Variants in CASP10 observed in about 807,000 individuals in gnomAD.
CASP10 encodes caspase 10, also known as caspase-10.
Under a neutral mutation model 48.5 loss-of-function variants are expected in CASP10, and 41 were observed. The ratio of observed to expected loss-of-function variants is 0.85; its 90% CI spans 0.66 to 1.10. The LOEUF (loss-of-function observed/expected upper bound fraction) is 1.10, where lower values mean the gene tolerates loss of function less well. CASP10 is among the 50% of genes least tolerant of loss of function. CASP10 has a pLI of 0.00. For missense variants in CASP10, 614 were observed against 614.5 expected (o/e 1.00, Z 0.01); for synonymous variants, 232 against 238.4 (o/e 0.97, Z 0.25).
intron 5 of CASP10, among the ~76,000 whole-genome samples, chr2:201,198,536 A>ATT (rs1944889413): frequency 3.4e-5 from 2 of 59,562 alleles, no homozygotes; most frequent in Non-Finnish European, 6.9e-5. Flanking sequence ...TTATTTTTTA[A>ATT]TTCTTTTTTT....
intron 4 of CASP10, among the ~76,000 whole-genome samples, chr2:201,195,303 G>T (rs575040894): frequency 7.2e-4 from 109 of 152,010 alleles, no homozygotes; most frequent in Non-Finnish European, 1.2e-3. Flanking sequence ...CTTTGGCCAG[G>T]CTGGTCTCAA....
intron 9 of CASP10, among the ~76,000 whole-genome samples, chr2:201,210,712 C>T (rs906681314): frequency 5.3e-5 from 8 of 152,238 alleles, no homozygotes; most frequent in Non-Finnish European, 7.4e-5. Flanking sequence ...TTATTGAGAG[C>T]GTACTATGTG....
chr2:201,191,743 T>C (rs1262902087), intron 3 of CASP10, among the ~76,000 whole-genome samples: 2 of 152,210 alleles, frequency 1.3e-5, no homozygotes, highest in Non-Finnish European at 2.9e-5. Flanking sequence ...GCTTTGTCTT[T>C]GATAGCTTTC....
At chr2:201,185,686 T>G (rs992699321) in intron 1 of CASP10, 85 bp from the exon 2 acceptor site, 7 of 849,258 alleles carry the variant, frequency 8.2e-6, no homozygotes, top group Non-Finnish European at 1.0e-5. Context: ...ACGGAGAAGG[T>G]TGTGGTGAGG....
intron 5 of CASP10, among the ~76,000 whole-genome samples, chr2:201,203,141 C>T (rs1461488867): frequency 1.3e-5 from 2 of 152,120 alleles, no homozygotes; most frequent in African/African-American, 2.4e-5. Flanking sequence ...CAATCACTTC[C>T]TATTGGTGGA....
At chr2:201,206,706 C>T (rs530614455) in intron 7 of CASP10, among the ~76,000 whole-genome samples, 3 of 151,384 alleles carry the variant, frequency 2.0e-5, no homozygotes, top group Non-Finnish European at 4.4e-5. Flanking sequence ...AAGGAATTCT[C>T]CTGCCTCAGC....
intron 5 of CASP10, chr2:201,200,463 A>T: frequency 6.3e-7 from 1 of 1,598,304 alleles, no homozygotes. Context: ...TTGTTTTTTT[A>T]AATGAAGGAG....
At position 201,195,927 on chromosome 2, in the gene CASP10, GA is replaced by G; in HGVS notation, c.664del (p.Thr222HisfsTer43). 2 of 1,613,580 alleles carry G rather than the reference GA, an allele frequency of 1.2e-6. No homozygotes were observed. The highest frequency in any genetic ancestry group is 1.7e-6 in the Non-Finnish European group (2 of 1,179,584). Reference protein sequence around the residue: ...EELVSQTDVKTFLEALPQESW... With the variant: ...EELVSQTDVKXFLEALPQESW... The stretch of plus-strand genomic sequence containing the variant: ...AACTAGTTTCCCAAACAGATGTTAA[GA>G]CATTCTTGGAAGCCTTACCGGTAGG... On this transcript the variant is annotated frameshift_variant, in exon 5 of 10. Coordinates refer to ENST00000286186, the MANE Select transcript of CASP10 (RefSeq NM_032977.4). LOFTEE classifies it high-confidence loss of function.
chr2:201,209,513 A>C lies in CASP10; in HGVS notation c.1366A>C (p.Ser456Arg). 6.2e-7 allele frequency: 1 copy of C among 1,613,558 alleles called. No individual in the cohort carries two copies. Among genetic ancestry groups the C allele is most frequent in the Non-Finnish European group, 8.5e-7 (1 of 1,179,820 alleles). ...YVSFRHVEEG[S>R]WYIQSLCNHL... ...ATCCTTTCGGCATGTGGAGGAAGGC[A>C]GCTGGTATATTCAGTCTCTGTGTAA... The change falls in exon 9 of 10, where the codon AGC (serine) becomes CGC (arginine). Residue 456 changes from serine to arginine, a missense_variant. By Grantham distance (110) the Ser-to-Arg change is moderately radical. Transcript: ENST00000286186.
chr2:201,220,328 TG>T lies in CASP10; in HGVS notation c.*2594del, dbSNP rs41351949. On this transcript the variant is annotated 3_prime_UTR_variant, in exon 10 of 10. Coordinates refer to ENST00000286186, the MANE Select transcript of CASP10 (RefSeq NM_032977.4). Reference sequence around the variant, plus strand: ...AAGACAGCTCTGGCATAGAGGGAGGTGGGGGGGTGGGGGAAGTCTCTTGGGT... The same window carrying T: ...AAGACAGCTCTGGCATAGAGGGAGGTGGGGGGTGGGGGAAGTCTCTTGGGT... The T allele has an allele frequency of 0.5, 76,028 of 153,418 alleles. 19,383 individuals carry two copies. The highest frequency in any genetic ancestry group is 0.57 in the Non-Finnish European group (41,801 of 73,630). The allele number at this position is 153,418 out of a possible 1,614,324, so 9.5% of individuals were successfully genotyped here. A position where few individuals can be genotyped will look rare whatever the true frequency, so the allele number is the denominator to read the frequency against.
intron 8 of CASP10, among the ~76,000 whole-genome samples, 183 bp from the exon 9 acceptor site, chr2:201,208,887 A>G (rs1472206310): frequency 6.6e-6 from 1 of 152,092 alleles, no homozygotes; most frequent in Non-Finnish European, 1.5e-5. Flanking sequence ...CCATCTGGCC[A>G]GACTGTTCTC....
chr2:201,220,154 A>C lies in CASP10; in HGVS notation c.*2413A>C, dbSNP rs1471449248. 4.1e-6 allele frequency: 4 copies of C among 985,212 alleles called. No individual in the cohort carries two copies. The highest frequency in any genetic ancestry group is 4.8e-6 in the Non-Finnish European group (4 of 829,812). The allele number at this position is 985,212 out of a possible 1,614,324, so 61.0% of individuals were successfully genotyped here. A position where few individuals can be genotyped will look rare whatever the true frequency, so the allele number is the denominator to read the frequency against. On this transcript the variant is annotated 3_prime_UTR_variant, in exon 10 of 10. Coordinates refer to ENST00000286186, the MANE Select transcript of CASP10 (RefSeq NM_032977.4). ...ATGTAGCTTGACAGAGGGAATGTCT[A>C]ATCTATATTGACAGGGCAGGAACAC...
chr2:201,206,416 A>T (rs916972195), intron 7 of CASP10, among the ~76,000 whole-genome samples: 2 of 151,718 alleles, frequency 1.3e-5, no homozygotes, highest in African/African-American at 4.8e-5. Flanking sequence ...AAATAATTGC[A>T]CATGTTTTTA....
At chr2:201,226,414 G>T (rs1280410505), downstream of CASP10, among the ~76,000 whole-genome samples, 1 of 152,188 alleles carries the variant, frequency 6.6e-6, no homozygotes, top group Non-Finnish European at 1.5e-5. Context: ...ATTTATAAAT[G>T]TTGGAAATTT....
intron 5 of CASP10, among the ~76,000 whole-genome samples, chr2:201,201,628 C>T (rs1034070345): frequency 1.3e-5 from 2 of 151,998 alleles, no homozygotes; most frequent in Non-Finnish European, 2.9e-5. Context: ...GGGGGATAGT[C>T]GTGGCAGTAC....
chr2:201,207,487 G>A (rs528406448), intron 7 of CASP10, among the ~76,000 whole-genome samples: 7 of 152,058 alleles, frequency 4.6e-5, no homozygotes, highest in Admixed American at 6.5e-5. Context: ...GGCTGGGCGC[G>A]GTGGCTCATG....
Position 201,221,304 on chromosome 2 carries a change from T to C in CASP10, c.*3563T>C, listed in dbSNP as rs1945714727. The C allele has an allele frequency of 1.0e-6, 1 of 986,278 alleles. No individual in the cohort carries two copies. Among genetic ancestry groups the C allele is most frequent in the Non-Finnish European group, 1.2e-6 (1 of 830,432 alleles). 61.1% of individuals were successfully genotyped at this position (986,278 alleles called of 1,614,324 possible). A position where few individuals can be genotyped will look rare whatever the true frequency, so the allele number is the denominator to read the frequency against. ...ACAAAATGCTGTTGATAAAACCTCCTGTCAGGCCTCTGAGCCCAAGCTAAG... is the reference window on the plus strand; with the variant it reads ...ACAAAATGCTGTTGATAAAACCTCCCGTCAGGCCTCTGAGCCCAAGCTAAG... On this transcript the variant is annotated 3_prime_UTR_variant, in exon 10 of 10. Transcript: ENST00000286186.
In CASP10 at chr2:201,219,465, C is replaced by A; in HGVS notation, c.*1724C>A. On this transcript the variant is annotated 3_prime_UTR_variant, in exon 10 of 10. Transcript: ENST00000286186. ...AGCACCTTTCTCTTGGCCGGATGTC[C>A]TCAGGGCTGGCAGATGCAGTAGACT... The A allele has an allele frequency of 1.0e-6, 1 of 985,480 alleles. No homozygotes were observed. The highest frequency in any genetic ancestry group is 1.2e-6 in the Non-Finnish European group (1 of 829,984). The allele number at this position is 985,480 out of a possible 1,614,324, so 61.0% of individuals were successfully genotyped here.
intron 5 of CASP10, among the ~76,000 whole-genome samples, chr2:201,198,510 C>T (rs61617655): frequency 0.043 from 6,443 of 149,238 alleles, 471 homozygotes; most frequent in African/African-American, 0.15. Flanking sequence ...TAGGTGTGAG[C>T]CACCGTACCC....
Sources: gnomAD v4.1 joint callset for allele counts (sites outside exome capture counted in the v4.1 genomes callset) on GRCh38, gnomAD v4.1.1 for gene constraint, MANE v1.5 for transcripts, NCBI Gene and HGNC (gene_info 2026-07-23, HGNC 2026-07-21) for gene names.